PDGFRL: variants seen among roughly 807,000 people sequenced by gnomAD.
PDGFRL encodes platelet-derived growth factor receptor-like protein.
A neutral mutation model predicts 37.2 loss-of-function variants in PDGFRL; 46 were observed. The observed-to-expected ratio is 1.24, with a 90% CI of 0.98 to 1.58. The LOEUF (loss-of-function observed/expected upper bound fraction) is 1.58. Ranked by LOEUF, PDGFRL falls within the 40% of genes most tolerant of loss-of-function variation. The pLI, the probability that PDGFRL is intolerant of heterozygous loss-of-function variation, is 0.00. For missense variants in PDGFRL, 692 were observed against 467.6 expected (o/e 1.48, Z -4.43); for synonymous variants, 251 against 184.3 (o/e 1.36, Z -2.93).
chr8:17,595,908 G>T (rs1296072550), intron 2 of PDGFRL, among the ~76,000 whole-genome samples: 1 of 152,232 alleles, frequency 6.6e-6, no homozygotes, highest in Non-Finnish European at 1.5e-5. Flanking sequence ...CCAATGGGTA[G>T]TCAACCCAAG....
At position 17,633,381 on chromosome 8, in the gene PDGFRL, T is replaced by A. The variant is rs568848035; in HGVS notation, c.800-693T>A. 2.6e-5 allele frequency among the ~76,000 whole-genome samples: 4 copies of A among 152,196 alleles called. No homozygotes were observed. In the South Asian group the frequency reaches 8.3e-4, roughly 32 times the overall value. On this transcript the variant is annotated intron_variant, in intron 4 of 5. Transcript: ENST00000251630. ...AGTTTGAGGCTGCAGAGAGTTAAGA[T>A]TGCACCACTGTTGGCAGGCGCCTGT...
In PDGFRL at chr8:17,610,922, C is replaced by T. The variant is rs188746767; in HGVS notation, c.354-10129C>T. Reference sequence around the variant, plus strand: ...AGATTCCGTCTCAAAAAAAATTACACGAGAATTGATGATTTCGTTGTTATT... The same window carrying T: ...AGATTCCGTCTCAAAAAAAATTACATGAGAATTGATGATTTCGTTGTTATT... On this transcript the variant is annotated intron_variant, in intron 2 of 5. Transcript: ENST00000251630. Among the ~76,000 whole-genome samples, 292 of 146,468 alleles carry T rather than the reference C, an allele frequency of 2.0e-3. 2 individuals carry two copies. The highest frequency in any genetic ancestry group is 3.5e-3 in the Non-Finnish European group (231 of 66,004).
At chr8:17,578,546 T>C (rs570349145) in intron 1 of PDGFRL, among the ~76,000 whole-genome samples, 62 of 152,212 alleles carry the variant, frequency 4.1e-4, no homozygotes, top group Non-Finnish European at 7.9e-4. Context: ...AATATTAAAA[T>C]GCTCCTGGCA....
At chr8:17,576,707 C>T (rs1803587228), upstream of PDGFRL, 1 of 984,986 alleles carries the variant, frequency 1.0e-6, no homozygotes, top group South Asian at 4.7e-5. Flanking sequence ...GTGCGGAGAC[C>T]AACTCTGGCC....
intron 2 of PDGFRL, among the ~76,000 whole-genome samples, chr8:17,590,606 C>T (rs937486744): frequency 6.6e-6 from 1 of 151,544 alleles, no homozygotes; most frequent in Admixed American, 6.6e-5. Flanking sequence ...GTTACTCAGG[C>T]AGAGCTGAGG....
chr8:17,606,307 T>C (rs1804275643), intron 2 of PDGFRL, among the ~76,000 whole-genome samples: 1 of 152,224 alleles, frequency 6.6e-6, no homozygotes, highest in African/African-American at 2.4e-5. Flanking sequence ...GTGTCTTTTG[T>C]ATGCGAACTC....
chr8:17,597,477 A>T (rs1804078630), intron 2 of PDGFRL, among the ~76,000 whole-genome samples: 1 of 152,226 alleles, frequency 6.6e-6, no homozygotes, highest in South Asian at 2.1e-4. Context: ...GCAATTAATG[A>T]AGAAGAAGGA....
At chr8:17,594,425 G>T (rs1804008357) in intron 2 of PDGFRL, among the ~76,000 whole-genome samples, 1 of 151,930 alleles carries the variant, frequency 6.6e-6, no homozygotes, top group East Asian at 1.9e-4. Flanking sequence ...ATCTTCTATA[G>T]AGACAGGGTT....
intron 2 of PDGFRL, among the ~76,000 whole-genome samples, chr8:17,593,819 C>T (rs1430175076): frequency 6.7e-5 from 10 of 149,640 alleles, no homozygotes; most frequent in South Asian, 2.1e-4. Context: ...ACCTGGGAGG[C>T]GGAGGTTGTG....
chr8:17,628,739 G>C lies in PDGFRL; in HGVS notation c.758G>C (p.Arg253Thr). 1 of 1,614,132 alleles carries C rather than the reference G, an allele frequency of 6.2e-7. No individual in the cohort carries two copies. The highest frequency in any genetic ancestry group is 8.5e-7 in the Non-Finnish European group (1 of 1,179,962). The change falls in exon 4 of 6, where the codon AGA becomes ACA. Residue 253 changes from arginine to threonine, a missense_variant. Physicochemically the swap from Arg to Thr is moderately conservative, Grantham distance 71 (BLOSUM62 -1). Transcript: ENST00000251630. ...VVYCRAEAGG[R>T]SQISVKYQLL... Reference sequence around the variant, plus strand: ...TACTGCAGGGCGGAGGCCGGGGGCAGATCTCAGATCTCCGTCAAGTACCAG... The same window carrying C: ...TACTGCAGGGCGGAGGCCGGGGGCACATCTCAGATCTCCGTCAAGTACCAG...
At chr8:17,608,163 G>A (rs962289129) in intron 2 of PDGFRL, among the ~76,000 whole-genome samples, 3 of 152,194 alleles carry the variant, frequency 2.0e-5, no homozygotes, top group African/African-American at 7.2e-5. Context: ...GCCTTTGGGA[G>A]TTCATCCTGA....
At chr8:17,600,849 G>T (rs1385531519) in intron 2 of PDGFRL, among the ~76,000 whole-genome samples, 1 of 151,406 alleles carries the variant, frequency 6.6e-6, no homozygotes, top group Non-Finnish European at 1.5e-5. Flanking sequence ...AGGCATAGTA[G>T]TGCACCCCTG....
chr8:17,628,655 A>C lies in PDGFRL; in HGVS notation c.674A>C (p.Tyr225Ser), dbSNP rs1325182005. The change falls in exon 4 of 6, where the codon TAT becomes TCT. Residue 225 changes from tyrosine (Y) to serine (S), a missense_variant. Transcript: ENST00000251630. ...CCAGCCAATGGAACGGACATTGTTTATGACATGAAGCGGGGCTTTGTGTAT... is the reference window on the plus strand; with the variant it reads ...CCAGCCAATGGAACGGACATTGTTTCTGACATGAAGCGGGGCTTTGTGTAT... ...EIPANGTDIV[Y>S]DMKRGFVYLQ... 6.2e-7 allele frequency: 1 copy of C among 1,614,092 alleles called. No individual in the cohort carries two copies. The highest frequency in any genetic ancestry group is 1.3e-5 in the African/African-American group (1 of 74,952).
intron 1 of PDGFRL, among the ~76,000 whole-genome samples, chr8:17,580,091 G>A (rs1415528087): frequency 3.3e-5 from 5 of 152,106 alleles, no homozygotes; most frequent in African/African-American, 9.7e-5. Context: ...ATTGATTTGT[G>A]CAACGAGTTC....
intron 2 of PDGFRL, among the ~76,000 whole-genome samples, chr8:17,595,600 G>A (rs1012343073): frequency 6.6e-6 from 1 of 152,178 alleles, no homozygotes; most frequent in Non-Finnish European, 1.5e-5. Context: ...GTCTCTGCGT[G>A]GCTGAGCCCA....
At chr8:17,607,405 T>TA (rs1408034585) in intron 2 of PDGFRL, among the ~76,000 whole-genome samples, 1 of 152,184 alleles carries the variant, frequency 6.6e-6, no homozygotes, top group Admixed American at 6.5e-5. Flanking sequence ...AATATGTATT[T>TA]AAAAAAACAA....
intron 2 of PDGFRL, among the ~76,000 whole-genome samples, chr8:17,610,338 A>G (rs1203802829): frequency 3.3e-5 from 5 of 152,232 alleles, no homozygotes; most frequent in African/African-American, 1.2e-4. Flanking sequence ...ATCCTAATCC[A>G]TAAATCCGGA....
intron 4 of PDGFRL, among the ~76,000 whole-genome samples, chr8:17,633,433 C>G (rs1004367936): frequency 2.0e-5 from 3 of 152,100 alleles, no homozygotes; most frequent in Non-Finnish European, 2.9e-5. Flanking sequence ...GAGGCTGAGG[C>G]AGGAGAATGG....
At chr8:17,596,323 G>A in intron 2 of PDGFRL, 3 of 1,232,270 alleles carry the variant, frequency 2.4e-6, no homozygotes, top group Non-Finnish European at 3.1e-6. Flanking sequence ...AGGCACATGG[G>A]CTGCACGTAA....
Sources: allele counts gnomAD v4.1 joint callset (sites outside exome capture counted in the v4.1 genomes callset), GRCh38; gene constraint gnomAD v4.1.1; transcripts MANE v1.5; gene names NCBI Gene and HGNC (gene_info 2026-07-23, HGNC 2026-07-21).